The following GAPVD1 variants were observed in gnomAD, a reference collection of about 807,000 sequenced individuals.
GAPVD1 encodes the protein GTPase-activating protein and VPS9 domain-containing protein 1.
A neutral mutation model predicts 155.5 loss-of-function variants in GAPVD1; 35 were observed. The observed-to-expected ratio is 0.23, with a 90% CI of 0.17 to 0.30. The LOEUF (loss-of-function observed/expected upper bound fraction) is 0.30, where lower values mean the gene tolerates loss of function less well. GAPVD1 is among the 10% of genes least tolerant of loss of function. The pLI, the probability that GAPVD1 is intolerant of heterozygous loss-of-function variation, is 1.00. For synonymous variants in GAPVD1, 636 were observed against 619.7 expected, an observed-to-expected ratio of 1.03 and a Z score of -0.39; for missense variants, 1,429 against 1,775.7, an observed-to-expected ratio of 0.80 and a Z score of 3.51.
At chr9:125,342,067 AC>A (rs1306917867) in intron 18 of GAPVD1, 151 bp from the exon 19 acceptor site, 1 of 562,194 alleles carries the variant, frequency 1.8e-6, no homozygotes, top group African/African-American at 1.9e-5. Context: ...AACCTTCATT[AC>A]TATTTTAAGG....
intron 2 of GAPVD1, among the ~76,000 whole-genome samples, chr9:125,286,921 TA>T (rs1837797103): frequency 6.6e-6 from 1 of 151,580 alleles, no homozygotes; most frequent in African/African-American, 2.4e-5. Context: ...CCGTCTCTAC[TA>T]AAAATACAAA....
chr9:125,344,276 T>A (rs1848230068), intron 19 of GAPVD1, among the ~76,000 whole-genome samples: 2 of 152,234 alleles, frequency 1.3e-5, no homozygotes, highest in African/African-American at 4.8e-5. Flanking sequence ...ACGTGGCTTT[T>A]TCTTGACTGA....
In GAPVD1 at chr9:125,298,975, A is replaced by G. The variant is rs374452306; in HGVS notation, c.54A>G (p.Leu18=). 7.4e-6 allele frequency: 12 copies of G among 1,612,052 alleles called. No homozygotes were observed. The highest frequency in any genetic ancestry group is 1.3e-5 in the African/African-American group (1 of 74,872). ...TLAHHLKQER[L]YVNSEKQLIQ... ...CTCATCACCTCAAGCAGGAACGCTT[A>G]TATGTAAACTCTGAGAAACAGCTCA... is the stretch of plus-strand genomic sequence containing the variant. The change falls in exon 4 of 28, where the codon TTA becomes TTG. Residue 18 remains leucine, a synonymous_variant. Coordinates refer to ENST00000297933, the MANE Select transcript of GAPVD1 (RefSeq NM_001282680.3).
At chr9:125,282,804 A>G (rs991150006) in intron 2 of GAPVD1, among the ~76,000 whole-genome samples, 13 of 152,158 alleles carry the variant, frequency 8.5e-5, no homozygotes, top group Non-Finnish European at 1.2e-4. Context: ...CACGTTGCCA[A>G]TAGGTGTCAG....
intron 1 of GAPVD1, among the ~76,000 whole-genome samples, chr9:125,267,051 G>A (rs1472019380): frequency 6.6e-6 from 1 of 152,134 alleles, no homozygotes; most frequent in East Asian, 1.9e-4. Flanking sequence ...CACTGTACCC[G>A]GCAGGCTTTG....
In GAPVD1 at chr9:125,349,462, A is replaced by T; in HGVS notation, c.3242A>T (p.Asp1081Val). Residue 1081 changes from aspartate (D) to valine (V), a missense_variant, in exon 21 of 28, where the codon GAT becomes GTT. By Grantham distance (152) the Asp-to-Val change is radical (BLOSUM62 -3). Around this residue, in one of 4 missense-constraint regions of GAPVD1, gnomAD observed 699 missense variants for 826.0 expected, o/e 0.85. Transcript: ENST00000297933. ...GCACTGCAGAACATCTCGGCTGATG[A>T]TCTCCCAGACTCTGCAAGCCAAGCA... is the stretch of plus-strand genomic sequence containing the variant. ...DEALQNISAD[D>V]LPDSASQAAH... 6.2e-7 allele frequency: 1 copy of T among 1,613,474 alleles called. No individual in the cohort carries two copies. Among genetic ancestry groups the T allele is most frequent in the Non-Finnish European group, 8.5e-7 (1 of 1,179,520 alleles).
chr9:125,299,696 C>A (rs1840460262), intron 4 of GAPVD1, among the ~76,000 whole-genome samples: 1 of 150,360 alleles, frequency 6.7e-6, no homozygotes, highest in African/African-American at 2.4e-5. Context: ...AGTAAATTAT[C>A]TGTTCTGCTT....
At chr9:125,285,010 G>C (rs1837413390) in intron 2 of GAPVD1, among the ~76,000 whole-genome samples, 1 of 152,190 alleles carries the variant, frequency 6.6e-6, no homozygotes, top group African/African-American at 2.4e-5. Context: ...TTATCGGACA[G>C]TGCCTCCTCT....
chr9:125,353,710 G>A (rs1849628262), intron 23 of GAPVD1, among the ~76,000 whole-genome samples: 1 of 152,170 alleles, frequency 6.6e-6, no homozygotes. Context: ...GAGAGCTTGT[G>A]CAGGGAAATT....
In GAPVD1 at chr9:125,332,679, G is replaced by A. The variant is rs376601741; in HGVS notation, c.2428+50G>A. ...TTAAAAAATGACCACATCCGTGGTTGAAACTGGCACTGTGACACATTGCTG... is the reference window on the plus strand; with the variant it reads ...TTAAAAAATGACCACATCCGTGGTTAAAACTGGCACTGTGACACATTGCTG... On this transcript the variant is annotated intron_variant, in intron 15 of 27. Coordinates refer to ENST00000297933, the MANE Select transcript of GAPVD1 (RefSeq NM_001282680.3). 15 of 1,532,280 alleles carry A rather than the reference G, an allele frequency of 9.8e-6. No individual in the cohort carries two copies. The East Asian group carries it at 3.2e-4, about 32-fold the overall frequency. The allele number at this position is 1,532,280 out of a possible 1,614,324, so 94.9% of individuals were successfully genotyped here.
chr9:125,341,225 C>G lies in GAPVD1; in HGVS notation c.2926C>G (p.Pro976Ala), dbSNP rs1312102380. 6.2e-7 allele frequency: 1 copy of G among 1,602,386 alleles called. No individual in the cohort carries two copies. Among genetic ancestry groups the G allele is most frequent in the East Asian group, 2.2e-5 (1 of 44,828 alleles). Reference protein sequence around the residue: ...SDDEKSDRNRPWWRKRFVSAM... With the variant: ...SDDEKSDRNRAWWRKRFVSAM... ...TGATGAGAAATCAGACAGGAACAGA[C>G]CTTGGTGGAGAAAACGTTTTGTTTC... Residue 976 changes from proline (P) to alanine (A), a missense_variant, in exon 18 of 28, where the codon CCT (proline) becomes GCT (alanine). Pro to Ala is a conservative substitution (Grantham distance 27, BLOSUM62 -1). This residue lies in a region of GAPVD1 where 699 missense variants were observed against 826.0 expected (regional missense o/e 0.85). Transcript: ENST00000297933.
In GAPVD1 at chr9:125,266,613, C is replaced by T. The variant is rs962599213; in HGVS notation, c.-198-2323C>T. Among the ~76,000 whole-genome samples, 31 of 151,774 alleles carry T rather than the reference C, an allele frequency of 2.0e-4. 1 individual carries two copies. Among genetic ancestry groups the T allele is most frequent in the Admixed American group, 1.4e-3 (21 of 15,214 alleles). On this transcript the variant is annotated intron_variant, in intron 1 of 27. Transcript: ENST00000297933. ...CAGGCGTGAGCCACCGCGCGCAGCC[C>T]GTTATCTATAATTTCTTTTGAGGAT...
chr9:125,332,084 G>A, intron 14 of GAPVD1, 24 bp downstream of exon 14: 1 of 1,611,844 alleles, frequency 6.2e-7, no homozygotes, highest in Non-Finnish European at 8.5e-7. Context: ...GTTTTAAGGA[G>A]TAGGGATTTG....
intron 13 of GAPVD1, among the ~76,000 whole-genome samples, chr9:125,331,631 G>C (rs1846097261): frequency 1.3e-5 from 2 of 152,158 alleles, no homozygotes; most frequent in African/African-American, 4.8e-5. Context: ...TTTAATACCA[G>C]GCTATTCCAT....
chr9:125,280,564 T>C (rs1412061360), intron 2 of GAPVD1, among the ~76,000 whole-genome samples: 1 of 151,664 alleles, frequency 6.6e-6, no homozygotes, highest in Non-Finnish European at 1.5e-5. Context: ...CAAGCTCAAC[T>C]GTTACTACTA....
In GAPVD1 at chr9:125,337,547, C is replaced by A. The variant is rs1306328717; in HGVS notation, c.2833C>A (p.His945Asn). ...IGATSLVAAPHSSSSSPSKDS... is the reference protein window; with the variant it reads ...IGATSLVAAPNSSSSSPSKDS... The stretch of plus-strand genomic sequence containing the variant: ...TGCTACTTCTTTGGTGGCTGCACCT[C>A]ATTCATCATCTTCATCCCCGAGTAA... The change falls in exon 17 of 28, where the codon CAT (histidine) becomes AAT (asparagine). Residue 945 changes from histidine (H) to asparagine (N), a missense_variant. Physicochemically the swap from His to Asn is moderately conservative, Grantham distance 68. This residue lies in a region of GAPVD1 where 699 missense variants were observed against 826.0 expected (regional missense o/e 0.85). Coordinates refer to ENST00000297933, the MANE Select transcript of GAPVD1 (RefSeq NM_001282680.3). 6.2e-7 allele frequency: 1 copy of A among 1,613,886 alleles called. No individual in the cohort carries two copies. The highest frequency in any genetic ancestry group is 8.5e-7 in the Non-Finnish European group (1 of 1,179,886).
chr9:125,307,077 C>T (rs1222199925), intron 6 of GAPVD1, among the ~76,000 whole-genome samples: 1 of 151,896 alleles, frequency 6.6e-6, no homozygotes, highest in Non-Finnish European at 1.5e-5. Flanking sequence ...ACCAGCCTGT[C>T]CAACATGGCA....
At chr9:125,329,215 G>A (rs1294785141) in intron 12 of GAPVD1, among the ~76,000 whole-genome samples, 5 of 152,202 alleles carry the variant, frequency 3.3e-5, no homozygotes, top group African/African-American at 1.2e-4. Context: ...GCAGTTAGCT[G>A]TATTTGCGCA....
intron 2 of GAPVD1, among the ~76,000 whole-genome samples, chr9:125,294,536 C>T (rs1245828202): frequency 6.6e-6 from 1 of 150,800 alleles, no homozygotes; most frequent in Non-Finnish European, 1.5e-5. Context: ...TTAGTAGAGA[C>T]GGGGTTTCAC....
Sources: gnomAD v4.1 joint callset for allele counts (sites outside exome capture counted in the v4.1 genomes callset) on GRCh38, gnomAD v4.1.1 for gene constraint, gnomAD v4.1.1 regional missense constraint, MANE v1.5 for transcripts, NCBI Gene and HGNC (gene_info 2026-07-23, HGNC 2026-07-21) for gene names.